Variants in PTK2B observed in about 807,000 individuals in gnomAD.
PTK2B encodes protein tyrosine kinase 2 beta.
In PTK2B, 71 loss-of-function variants were observed where a neutral mutation model predicts 142.9. The ratio of observed to expected loss-of-function variants is 0.50; its 90% CI spans 0.41 to 0.61. The LOEUF (loss-of-function observed/expected upper bound fraction) is 0.61, where lower values mean the gene tolerates loss of function less well. PTK2B is among the 20% of genes least tolerant of loss of function. The pLI, the probability that PTK2B is intolerant of heterozygous loss-of-function variation, is 0.00. For missense variants in PTK2B, 1,105 were observed against 1,320.4 expected, an observed-to-expected ratio of 0.84 and a Z score of 2.53; for synonymous variants, 519 against 503.4, an observed-to-expected ratio of 1.03 and a Z score of -0.42.
In PTK2B at chr8:27,424,106, A is replaced by G. The variant is rs569886652; in HGVS notation, c.551+1723A>G. 7.2e-5 allele frequency among the ~76,000 whole-genome samples: 11 copies of G among 152,128 alleles called. No individual in the cohort carries two copies. In the South Asian group the frequency reaches 2.1e-3, roughly 29 times the overall value. ...TGTACTGTCTCATCTTCCCCTCTAA[A>G]ATTAGACAAGTCGAAAAAGCTTATC... is the stretch of plus-strand genomic sequence containing the variant. On this transcript the variant is annotated intron_variant, in intron 5 of 30. Coordinates refer to ENST00000346049, the MANE Select transcript of PTK2B (RefSeq NM_173176.3).
intron 5 of PTK2B, among the ~76,000 whole-genome samples, chr8:27,427,733 G>A (rs920392822): frequency 6.6e-5 from 10 of 152,086 alleles, no homozygotes; most frequent in African/African-American, 2.2e-4. Context: ...GTGGTCAGTC[G>A]CATGGAATTT....
At chr8:27,429,994 A>G in intron 5 of PTK2B, 99 bp from the exon 6 acceptor site, 1 of 1,066,154 alleles carries the variant, frequency 9.4e-7, no homozygotes, top group Non-Finnish European at 1.5e-6. Flanking sequence ...ATTCCCACGT[A>G]TGGCAGGGGA....
chr8:27,430,024 G>A, intron 5 of PTK2B, 69 bp from the exon 6 acceptor site: 1 of 1,432,978 alleles, frequency 7.0e-7, no homozygotes, highest in Non-Finnish European at 9.8e-7. Context: ...CTGGTGGCAT[G>A]AGGTGCCCTG....
intron 1 of PTK2B, among the ~76,000 whole-genome samples, chr8:27,336,035 T>C (rs935648521): frequency 6.6e-6 from 1 of 152,098 alleles, no homozygotes; most frequent in African/African-American, 2.4e-5. Context: ...GTGCTCATTG[T>C]GTATGTGTCA....
intron 5 of PTK2B, among the ~76,000 whole-genome samples, chr8:27,428,143 T>G (rs183537902): frequency 2.6e-4 from 39 of 152,306 alleles, no homozygotes; most frequent in Non-Finnish European, 4.6e-4. Flanking sequence ...GCGTGAAACC[T>G]AGATCCCTCA....
intron 1 of PTK2B, among the ~76,000 whole-genome samples, chr8:27,351,373 A>T (rs548606766): frequency 7.3e-4 from 111 of 152,162 alleles, no homozygotes; most frequent in African/African-American, 2.5e-3. Context: ...GGTCTCCAAG[A>T]TGTTAGAAGT....
chr8:27,440,932 A>G (rs1811123213), intron 21 of PTK2B, among the ~76,000 whole-genome samples: 1 of 151,986 alleles, frequency 6.6e-6, no homozygotes, highest in Non-Finnish European at 1.5e-5. Context: ...AGGAGCCATG[A>G]TTCCCTAGGT....
chr8:27,394,864 A>G (rs1031405396), intron 1 of PTK2B, among the ~76,000 whole-genome samples: 2 of 152,122 alleles, frequency 1.3e-5, no homozygotes, highest in African/African-American at 4.8e-5. Context: ...CGTTTTTATT[A>G]AAAACAAAGA....
At chr8:27,376,823 A>G (rs1806699610) in intron 1 of PTK2B, among the ~76,000 whole-genome samples, 5 of 152,222 alleles carry the variant, frequency 3.3e-5, no homozygotes, top group Admixed American at 2.6e-4. Context: ...TCATCAAGAA[A>G]TAACTATAAA....
intron 5 of PTK2B, among the ~76,000 whole-genome samples, chr8:27,427,733 G>C (rs920392822): frequency 6.6e-6 from 1 of 152,086 alleles, no homozygotes; most frequent in Non-Finnish European, 1.5e-5. Flanking sequence ...GTGGTCAGTC[G>C]CATGGAATTT....
chr8:27,311,287 C>T, upstream of PTK2B: 1 of 1,449,704 alleles, frequency 6.9e-7, no homozygotes, highest in South Asian at 1.4e-5. Flanking sequence ...GCCCCTCCCA[C>T]CCGCCCGGCT....
At position 27,432,317 on chromosome 8, in the gene PTK2B, G is replaced by A. The variant is rs1586310443; in HGVS notation, c.943G>A (p.Glu315Lys). 1 of 1,614,078 alleles carries A rather than the reference G, an allele frequency of 6.2e-7. No individual in the cohort carries two copies. Among genetic ancestry groups the A allele is most frequent in the South Asian group, 1.1e-5 (1 of 91,076 alleles). The change falls in exon 10 of 31, where the codon GAG becomes AAG. Residue 315 changes from glutamate to lysine, a missense_variant. Transcript: ENST00000346049. ...IRSIRCLPLE[E>K]GQAVLQLGIE... ...GTCCATCAGGTGCCTCCCGCTGGAGGAGGGCCAGGCAGTACTTCAGCTGGG... is the reference window on the plus strand; with the variant it reads ...GTCCATCAGGTGCCTCCCGCTGGAGAAGGGCCAGGCAGTACTTCAGCTGGG...
intron 25 of PTK2B, 40 bp from the exon 26 acceptor site, chr8:27,451,003 C>T (rs900446584): frequency 1.9e-5 from 31 of 1,610,120 alleles, no homozygotes; most frequent in Non-Finnish European, 2.6e-5. Context: ...CTTTCAGCTC[C>T]AGAATTCTTA....
chr8:27,396,790 C>G (rs1808075619), intron 1 of PTK2B, among the ~76,000 whole-genome samples: 1 of 152,234 alleles, frequency 6.6e-6, no homozygotes, highest in Non-Finnish European at 1.5e-5. Context: ...TCATCTACAT[C>G]TGTGTCAACC....
In PTK2B at chr8:27,439,358, C is replaced by T. The variant is rs989274966; in HGVS notation, c.1794C>T (p.Asn598=). ...PIKWMSPESI[N]FRRFTTASDV... is the part of the protein sequence containing the mutation. The stretch of plus-strand genomic sequence containing the variant: ...AATGGATGTCCCCAGAGTCCATTAA[C>T]TTCCGACGCTTCACGACAGCCAGTG... The change falls in exon 20 of 31, where the codon AAC becomes AAT. Residue 598 remains asparagine, a synonymous_variant. Transcript: ENST00000346049. 2 of 1,614,054 alleles carry T rather than the reference C, an allele frequency of 1.2e-6. No individual in the cohort carries two copies. Among genetic ancestry groups the T allele is most frequent in the African/African-American group, 2.7e-5 (2 of 74,930 alleles).
intron 1 of PTK2B, among the ~76,000 whole-genome samples, chr8:27,339,125 A>C (rs889037205): frequency 6.6e-6 from 1 of 152,242 alleles, no homozygotes; most frequent in African/African-American, 2.4e-5. Flanking sequence ...AAATGGGAAG[A>C]AACTAAGGCT....
At chr8:27,415,008 C>T (rs1809313046) in intron 2 of PTK2B, among the ~76,000 whole-genome samples, 1 of 152,198 alleles carries the variant, frequency 6.6e-6, no homozygotes, top group Admixed American at 6.5e-5. Context: ...GTCTGGTTTA[C>T]AGAGCACCAG....
At chr8:27,456,107 CCATTCATTCATT>C (rs768171536) in intron 30 of PTK2B, among the ~76,000 whole-genome samples, 1 of 152,204 alleles carries the variant, frequency 6.6e-6, no homozygotes, top group Non-Finnish European at 1.5e-5. Flanking sequence ...GGATGCCAAC[CCATTCATTCATT>C]CATTCATTCA....
intron 7 of PTK2B, among the ~76,000 whole-genome samples, chr8:27,430,632 A>G (rs1282893737): frequency 1.3e-5 from 2 of 152,180 alleles, no homozygotes; most frequent in Non-Finnish European, 2.9e-5. Context: ...TCGAGGCCGT[A>G]TCAGCTCTGC....
Sources: gnomAD v4.1 joint callset for allele counts (sites outside exome capture counted in the v4.1 genomes callset) on GRCh38, gnomAD v4.1.1 for gene constraint, MANE v1.5 for transcripts, NCBI Gene and HGNC (gene_info 2026-07-23, HGNC 2026-07-21) for gene names.